TM4SF18: variants seen among roughly 807,000 people sequenced by gnomAD.
TM4SF18 encodes the protein transmembrane 4 L6 family member 18.
Under a neutral mutation model 23.8 loss-of-function variants are expected in TM4SF18, and 22 were observed. The ratio of observed to expected loss-of-function variants is 0.92; its 90% CI spans 0.66 to 1.32. The LOEUF (loss-of-function observed/expected upper bound fraction) is 1.32. Among genes scored for constraint, TM4SF18 ranks in the 40% most tolerant of loss-of-function variants. The pLI is 0.00. For missense variants in TM4SF18, 255 were observed against 240.3 expected (o/e 1.06, Z -0.41); for synonymous variants, 87 against 87.9 (o/e 0.99, Z 0.06).
intron 4 of TM4SF18, among the ~76,000 whole-genome samples, chr3:149,324,021 G>T (rs888468402): frequency 6.6e-6 from 1 of 152,152 alleles, no homozygotes; most frequent in African/African-American, 2.4e-5. Flanking sequence ...AGATGGACAT[G>T]GGCCTTGAAC....
chr3:149,329,300 A>G (rs573191227), intron 3 of TM4SF18, among the ~76,000 whole-genome samples: 1 of 152,296 alleles, frequency 6.6e-6, no homozygotes, highest in East Asian at 1.9e-4. Flanking sequence ...AATTTGCCAT[A>G]CAATCTTGAC....
chr3:149,331,676 A>T (rs993801252), intron 2 of TM4SF18, among the ~76,000 whole-genome samples: 6 of 152,184 alleles, frequency 3.9e-5, no homozygotes, highest in Non-Finnish European at 8.8e-5. Context: ...TTAAAATATA[A>T]CTGCAATACA....
Position 149,319,195 on chromosome 3 carries a change from A to G in TM4SF18, c.*2283T>C, listed in dbSNP as rs1730748930. The stretch of plus-strand genomic sequence containing the variant: ...AGAGATAGACAGTCTGAAAGTATAT[A>G]ACAAACTGATGAAGTGGACCTTCCA... On this transcript the variant is annotated 3_prime_UTR_variant, in exon 6 of 6. Transcript: ENST00000296059. 6.6e-6 allele frequency: 1 copy of G among 152,242 alleles called. No homozygotes were observed. The highest frequency in any genetic ancestry group is 1.9e-4 in the East Asian group (1 of 5,208). 9.4% of individuals were successfully genotyped at this position (152,242 alleles called of 1,614,324 possible).
chr3:149,330,064 C>G (rs567277086), intron 3 of TM4SF18: 59 of 242,482 alleles, frequency 2.4e-4, no homozygotes, highest in Non-Finnish European at 3.1e-4. Flanking sequence ...AAAAAATAGA[C>G]TAATGGAAAC....
In TM4SF18 at chr3:149,333,389, C is replaced by G. The variant is rs375751346; in HGVS notation, c.-7G>C. The G allele has an allele frequency of 1.0e-5, 16 of 1,606,468 alleles. No homozygotes were observed. Among genetic ancestry groups the G allele is most frequent in the Non-Finnish European group, 1.3e-5 (15 of 1,175,814 alleles). Reference sequence around the variant, plus strand: ...CACACTTCCGAGACCCCATTTTGCCCTGCTTAGAACCTGCGGGAGATTTCA... The same window carrying G: ...CACACTTCCGAGACCCCATTTTGCCGTGCTTAGAACCTGCGGGAGATTTCA... On this transcript the variant is annotated 5_prime_UTR_variant, in exon 2 of 6. Transcript: ENST00000296059.
At chr3:149,328,092 G>C (rs1730996127) in intron 3 of TM4SF18, among the ~76,000 whole-genome samples, 1 of 152,070 alleles carries the variant, frequency 6.6e-6, no homozygotes, top group Admixed American at 6.6e-5. Context: ...CAAGAATTTT[G>C]GCAGAAAACC....
chr3:149,329,778 C>A (rs975886730), intron 3 of TM4SF18: 1 of 152,116 alleles, frequency 6.6e-6, no homozygotes, highest in Non-Finnish European at 1.5e-5. Flanking sequence ...ATACACCCAA[C>A]AATATGGATG....
At chr3:149,326,385 T>C (rs936793641) in intron 3 of TM4SF18, among the ~76,000 whole-genome samples, 1 of 152,200 alleles carries the variant, frequency 6.6e-6, no homozygotes, top group African/African-American at 2.4e-5. Context: ...CCTTTCATGC[T>C]AAGGGTGGTG....
At position 149,322,395 on chromosome 3, in the gene TM4SF18, G is replaced by A; in HGVS notation, c.452C>T (p.Pro151Leu). Reference protein sequence around the residue: ...DSSIWIQCLEPAHVVEWNIIL... With the variant: ...DSSIWIQCLELAHVVEWNIIL... ...GATGTTCCACTCCACAACATGTGCA[G>A]GTTCCAGGCACTGAATCCATATGCT... The change falls in exon 5 of 6, where the codon CCT becomes CTT. Residue 151 changes from proline (P) to leucine (L), a missense_variant. Pro to Leu is a moderately conservative substitution (Grantham distance 98). Transcript: ENST00000296059. 6.2e-7 allele frequency: 1 copy of A among 1,614,076 alleles called. No homozygotes were observed. The highest frequency in any genetic ancestry group is 8.5e-7 in the Non-Finnish European group (1 of 1,179,976).
chr3:149,330,073 A>G, intron 3 of TM4SF18: 1 of 263,300 alleles, frequency 3.8e-6, no homozygotes, highest in Non-Finnish European at 7.1e-6. Context: ...ACTAATGGAA[A>G]CTTAGTTAGG....
Position 149,329,689 on chromosome 3 carries a change from T to G in TM4SF18, c.267+641A>C, listed in dbSNP as rs79866421. Reference sequence around the variant, plus strand: ...ATGGTAGAAATGCAGGAGCACTGGCTTAGAAAATGCGGTTGTATTATTCAC... The same window carrying G: ...ATGGTAGAAATGCAGGAGCACTGGCGTAGAAAATGCGGTTGTATTATTCAC... On this transcript the variant is annotated intron_variant, in intron 3 of 5. Coordinates refer to ENST00000296059, the MANE Select transcript of TM4SF18 (RefSeq NM_138786.4). Among the ~76,000 whole-genome samples the G allele has an allele frequency of 4.2e-3, 633 of 152,308 alleles. 3 individuals carry two copies. Among genetic ancestry groups the G allele is most frequent in the Non-Finnish European group, 7.6e-3 (517 of 68,010 alleles).
chr3:149,325,128 G>A, intron 3 of TM4SF18, 106 bp from the exon 4 acceptor site: 2 of 1,073,890 alleles, frequency 1.9e-6, no homozygotes, highest in Non-Finnish European at 2.7e-6. Flanking sequence ...AGCTCATGCA[G>A]TCTATACAAT....
rs1308036433 is a variant in TM4SF18, at chr3:149,319,488, T to A, written c.*1990A>T. Reference sequence around the variant, plus strand: ...CTAAGCATCTTTGTCTTAGCATCCCTCCAACCCAACATCTAGAAAAGGGAG... The same window carrying A: ...CTAAGCATCTTTGTCTTAGCATCCCACCAACCCAACATCTAGAAAAGGGAG... On this transcript the variant is annotated 3_prime_UTR_variant, in exon 6 of 6. Transcript: ENST00000296059. 1 of 152,224 alleles carries A rather than the reference T, an allele frequency of 6.6e-6. No homozygotes were observed. The highest frequency in any genetic ancestry group is 1.5e-5 in the Non-Finnish European group (1 of 68,038). 9.4% of individuals were successfully genotyped at this position (152,224 alleles called of 1,614,324 possible).
chr3:149,333,489 T>TTTTTA, intron 1 of TM4SF18, 24 bp downstream of exon 1: 1 of 884,122 alleles, frequency 1.1e-6, no homozygotes, highest in Non-Finnish European at 1.6e-6. Context: ...TCTCTTTTTT[T>TTTTTA]TTTTTTTTTT....
chr3:149,327,422 C>G (rs749935419), intron 3 of TM4SF18, among the ~76,000 whole-genome samples: 1 of 144,882 alleles, frequency 6.9e-6, no homozygotes, highest in Non-Finnish European at 1.5e-5. Flanking sequence ...CAAAGACACA[C>G]ATTGGAGGAA....
At position 149,319,073 on chromosome 3, in the gene TM4SF18, G is replaced by A. The variant is rs1057458717; in HGVS notation, c.*2405C>T. On this transcript the variant is annotated 3_prime_UTR_variant, in exon 6 of 6. Coordinates refer to ENST00000296059, the MANE Select transcript of TM4SF18 (RefSeq NM_138786.4). ...CTGATAGAGGTATCATGCTGCATTT[G>A]GCTGTACCCCTGATGTGTCCAATGC... is the stretch of plus-strand genomic sequence containing the variant. 3 of 152,046 alleles carry A rather than the reference G, an allele frequency of 2.0e-5. No individual in the cohort carries two copies. In the East Asian group the frequency reaches 5.8e-4, roughly 29 times the overall value. 9.4% of individuals were successfully genotyped at this position (152,046 alleles called of 1,614,324 possible). A position where few individuals can be genotyped will look rare whatever the true frequency, so the allele number is the denominator to read the frequency against.
At chr3:149,325,346 C>T (rs1026241619) in intron 3 of TM4SF18, among the ~76,000 whole-genome samples, 1 of 152,178 alleles carries the variant, frequency 6.6e-6, no homozygotes, top group Admixed American at 6.5e-5. Flanking sequence ...CAACCCATAA[C>T]TATCTATTGA....
intron 3 of TM4SF18, among the ~76,000 whole-genome samples, chr3:149,329,098 G>A (rs1482287624): frequency 6.6e-6 from 1 of 150,466 alleles, no homozygotes. Flanking sequence ...AGGCAATTTT[G>A]AAATCTCTTC....
At chr3:149,329,156 TCACACACACACACACA>T (rs33985529) in intron 3 of TM4SF18, among the ~76,000 whole-genome samples, 12 of 142,230 alleles carry the variant, frequency 8.4e-5, no homozygotes, top group Non-Finnish European at 1.2e-4. Context: ...AGTCAACTGG[TCACACACACACACACA>T]CACACACACA....
Sources: allele counts gnomAD v4.1 joint callset (sites outside exome capture counted in the v4.1 genomes callset), GRCh38; gene constraint gnomAD v4.1.1; transcripts MANE v1.5; gene names NCBI Gene and HGNC (gene_info 2026-07-23, HGNC 2026-07-21).